The following KCNMB2 variants were observed in gnomAD, a reference collection of about 807,000 sequenced individuals.
KCNMB2 encodes the protein calcium-activated potassium channel subunit beta-2.
In KCNMB2, 9 loss-of-function variants were observed where a neutral mutation model predicts 24.5. The ratio of observed to expected loss-of-function variants is 0.37; its 90% CI spans 0.22 to 0.64. The LOEUF is 0.64. Ranked by LOEUF, KCNMB2 falls within the 30% of genes least tolerant of loss-of-function variation. KCNMB2 has a pLI of 0.63. For synonymous variants in KCNMB2, 109 were observed against 104.4 expected, an observed-to-expected ratio of 1.04 and a Z score of -0.27; for missense variants, 226 against 284.3, an observed-to-expected ratio of 0.79 and a Z score of 1.47.
At chr3:178,614,510 T>C (rs1204694888) in intron 1 of KCNMB2, among the ~76,000 whole-genome samples, 1 of 151,264 alleles carries the variant, frequency 6.6e-6, no homozygotes, top group Non-Finnish European at 1.5e-5. Flanking sequence ...ATGAGACTTA[T>C]TCACTATCAT....
At chr3:178,678,630 C>A (rs559230905) in intron 1 of KCNMB2, among the ~76,000 whole-genome samples, 1 of 152,310 alleles carries the variant, frequency 6.6e-6, no homozygotes, top group East Asian at 1.9e-4. Flanking sequence ...CTGAGAACCA[C>A]CAGCACATGA....
rs368728175 is a variant in KCNMB2, at chr3:178,709,023, A to G, written c.-67-98320A>G. On this transcript the variant is annotated intron_variant, in intron 1 of 4. Transcript: ENST00000452583. ...ATTTATAAGAAGCTTAACTCCTCTTATAGGTTAAAGGAGGAAAAAATAGCA... is the reference window on the plus strand; with the variant it reads ...ATTTATAAGAAGCTTAACTCCTCTTGTAGGTTAAAGGAGGAAAAAATAGCA... Among the ~76,000 whole-genome samples, 27 of 152,306 alleles carry G rather than the reference A, an allele frequency of 1.8e-4. 1 individual carries two copies. In the East Asian group the frequency reaches 2.7e-3, roughly 15 times the overall value.
At chr3:178,706,863 C>T (rs1306674629) in intron 1 of KCNMB2, among the ~76,000 whole-genome samples, 2 of 152,098 alleles carry the variant, frequency 1.3e-5, no homozygotes, top group Admixed American at 6.6e-5. Context: ...CAACACAAAA[C>T]GCAGCCATCA....
chr3:178,840,891 T>G (rs1006196572), intron 4 of KCNMB2, among the ~76,000 whole-genome samples: 2 of 152,244 alleles, frequency 1.3e-5, no homozygotes, highest in Non-Finnish European at 2.9e-5. Flanking sequence ...TCCTTACTTA[T>G]GCCAATTTCT....
At chr3:178,841,755 C>T (rs1015084436) in intron 4 of KCNMB2, 4 of 152,164 alleles carry the variant, frequency 2.6e-5, no homozygotes, top group African/African-American at 4.8e-5. Flanking sequence ...AATCACCTCC[C>T]ACCAGGTCCC....
intron 1 of KCNMB2, among the ~76,000 whole-genome samples, chr3:178,754,974 G>T (rs74612618): frequency 6.6e-6 from 1 of 152,222 alleles, no homozygotes; most frequent in Non-Finnish European, 1.5e-5. Flanking sequence ...CCTTGCAGCC[G>T]TCATTGGCAA....
chr3:178,590,196 T>A (rs1717613422), intron 1 of KCNMB2, among the ~76,000 whole-genome samples: 1 of 152,170 alleles, frequency 6.6e-6, no homozygotes, highest in Non-Finnish European at 1.5e-5. Flanking sequence ...TCTCTCTTAT[T>A]TAGTGCTGGA....
At chr3:178,674,596 A>G (rs1338121634) in intron 1 of KCNMB2, among the ~76,000 whole-genome samples, 4 of 151,790 alleles carry the variant, frequency 2.6e-5, no homozygotes, top group East Asian at 3.9e-4. Context: ...TCTCACATCA[A>G]TTATCTCAGG....
At chr3:178,574,830 T>G (rs1353091868) in intron 1 of KCNMB2, among the ~76,000 whole-genome samples, 1 of 152,152 alleles carries the variant, frequency 6.6e-6, no homozygotes, top group African/African-American at 2.4e-5. Flanking sequence ...CACTTTGGGA[T>G]GCTGAGGCAG....
At chr3:178,698,102 T>A (rs1371721383) in intron 1 of KCNMB2, among the ~76,000 whole-genome samples, 2 of 152,162 alleles carry the variant, frequency 1.3e-5, no homozygotes, top group Non-Finnish European at 2.9e-5. Flanking sequence ...TGAAGTAGCT[T>A]ACTGGGGTTC....
chr3:178,751,286 T>C (rs1330165241), intron 1 of KCNMB2, among the ~76,000 whole-genome samples: 1 of 151,890 alleles, frequency 6.6e-6, no homozygotes, highest in East Asian at 1.9e-4. Context: ...CCTTCAAAAT[T>C]AAAAGCAATT....
chr3:178,703,737 T>G (rs930352044), intron 1 of KCNMB2, among the ~76,000 whole-genome samples: 1 of 152,208 alleles, frequency 6.6e-6, no homozygotes, highest in Non-Finnish European at 1.5e-5. Context: ...TATGTAATCA[T>G]GTATCTACTT....
chr3:178,585,910 C>T (rs1487788154), intron 1 of KCNMB2, among the ~76,000 whole-genome samples: 1 of 152,110 alleles, frequency 6.6e-6, no homozygotes, highest in African/African-American at 2.4e-5. Flanking sequence ...CATTAATGTT[C>T]GCACACTGCC....
At chr3:178,639,789 T>A (rs1187106131) in intron 1 of KCNMB2, among the ~76,000 whole-genome samples, 1 of 152,230 alleles carries the variant, frequency 6.6e-6, no homozygotes, top group Non-Finnish European at 1.5e-5. Context: ...CACACCTACG[T>A]GTGCCATGTG....
intron 2 of KCNMB2, among the ~76,000 whole-genome samples, chr3:178,818,210 C>G (rs932118052): frequency 6.6e-6 from 1 of 152,132 alleles, no homozygotes; most frequent in African/African-American, 2.4e-5. Flanking sequence ...TCATTAAAAC[C>G]CATAGTGTTG....
At chr3:178,840,937 T>C (rs1715405124) in intron 4 of KCNMB2, among the ~76,000 whole-genome samples, 1 of 152,238 alleles carries the variant, frequency 6.6e-6, no homozygotes, top group South Asian at 2.1e-4. Flanking sequence ...AAAATGGGTT[T>C]TTCTTTTCTA....
chr3:178,550,017 T>G (rs1375600776), intron 1 of KCNMB2, among the ~76,000 whole-genome samples: 1 of 152,216 alleles, frequency 6.6e-6, no homozygotes, highest in East Asian at 1.9e-4. Flanking sequence ...AGGAAACTCT[T>G]ACCTTGATAA....
chr3:178,593,159 A>G (rs1717739828), intron 1 of KCNMB2, among the ~76,000 whole-genome samples: 1 of 152,068 alleles, frequency 6.6e-6, no homozygotes, highest in African/African-American at 2.4e-5. Context: ...TTTATTACCT[A>G]GGTACTTTTA....
chr3:178,826,818 C>T (rs910079811), intron 3 of KCNMB2, among the ~76,000 whole-genome samples: 3 of 152,162 alleles, frequency 2.0e-5, no homozygotes, highest in Admixed American at 6.6e-5. Context: ...TGTGGCTGCT[C>T]TGCTCTGTTT....
Sources: allele counts gnomAD v4.1 joint callset (sites outside exome capture counted in the v4.1 genomes callset), GRCh38; gene constraint gnomAD v4.1.1; transcripts MANE v1.5; gene names NCBI Gene and HGNC (gene_info 2026-07-23, HGNC 2026-07-21).